GMDS: variants seen among roughly 807,000 people sequenced by gnomAD.
The protein encoded by GMDS is GDP-mannose 4,6 dehydratase.
In GMDS, 20 loss-of-function variants were observed where a neutral mutation model predicts 49.9. The ratio of observed to expected loss-of-function variants is 0.40; its 90% CI spans 0.28 to 0.58. The LOEUF is 0.58. Among genes scored for constraint, GMDS ranks in the 20% least tolerant of loss-of-function variants. GMDS has a pLI of 0.42. For synonymous variants in GMDS, 177 were observed against 178.6 expected, an observed-to-expected ratio of 0.99 and a Z score of 0.07; for missense variants, 362 against 481.4, an observed-to-expected ratio of 0.75 and a Z score of 2.32.
Position 1,999,987 on chromosome 6 carries a change from A to AT in GMDS, c.346-39022dup, listed in dbSNP as rs1561961798. On this transcript the variant is annotated intron_variant, in intron 4 of 10. Coordinates refer to ENST00000380815, the MANE Select transcript of GMDS (RefSeq NM_001500.4). ...TATATATATTATATATATATTTTATATATATATATTATATATATATATTTT... is the reference window on the plus strand; with the variant it reads ...TATATATATTATATATATATTTTATATTATATATATTATATATATATATTTT... Among the ~76,000 whole-genome samples the AT allele has an allele frequency of 8.0e-4, 13 of 16,254 alleles. 1 individual carries two copies. Among genetic ancestry groups the AT allele is most frequent in the Non-Finnish European group, 1.5e-3 (12 of 7,968 alleles). The allele number at this position is 16,254 out of a possible 152,430, so 10.7% of individuals were successfully genotyped here.
rs540125601 is a variant in GMDS at position 2,060,936 on chromosome 6, C to T, written c.345+54835G>A. 4.0e-4 allele frequency among the ~76,000 whole-genome samples: 61 copies of T among 151,984 alleles called. No individual in the cohort carries two copies. In the East Asian group the frequency reaches 0.011, roughly 27 times the overall value. On this transcript the variant is annotated intron_variant, in intron 4 of 10. Transcript: ENST00000380815. The stretch of plus-strand genomic sequence containing the variant: ...CTGGGAGGCTGAGGCAGGAGAATCG[C>T]TTGAACCTGGGACATGGAGGTTGCG...
chr6:1,756,996 C>G (rs1221816655), intron 7 of GMDS, among the ~76,000 whole-genome samples: 1 of 152,172 alleles, frequency 6.6e-6, no homozygotes, highest in Non-Finnish European at 1.5e-5. Context: ...AAAGGACACG[C>G]AGGATGGGAG....
chr6:1,934,646 C>T (rs1022244450), intron 6 of GMDS, among the ~76,000 whole-genome samples: 10 of 151,966 alleles, frequency 6.6e-5, no homozygotes, highest in Non-Finnish European at 1.0e-4. Flanking sequence ...ATTATAAATA[C>T]AATTGTTTTC....
intron 4 of GMDS, among the ~76,000 whole-genome samples, chr6:2,004,175 T>C (rs1269371086): frequency 6.6e-6 from 1 of 152,248 alleles, no homozygotes; most frequent in African/African-American, 2.4e-5. Context: ...CAAATGGCTC[T>C]AGGGCAAGCC....
At chr6:2,103,196 A>C (rs1163565797) in intron 4 of GMDS, among the ~76,000 whole-genome samples, 2 of 152,136 alleles carry the variant, frequency 1.3e-5, no homozygotes, top group African/African-American at 4.8e-5. Flanking sequence ...TTCTAACCTC[A>C]TTTGGGGGAA....
intron 1 of GMDS, among the ~76,000 whole-genome samples, chr6:2,165,672 T>C (rs1440309474): frequency 1.3e-4 from 20 of 152,214 alleles, no homozygotes. Context: ...CTGCATCCTG[T>C]GGAAGACAAC....
chr6:2,069,506 G>C (rs557060853), intron 4 of GMDS, among the ~76,000 whole-genome samples: 2 of 151,746 alleles, frequency 1.3e-5, no homozygotes, highest in African/African-American at 4.8e-5. Context: ...GAAAATTTTC[G>C]CAACCTACTC....
chr6:1,741,872 TA>T (rs1452130812), intron 8 of GMDS, among the ~76,000 whole-genome samples: 1 of 140,298 alleles, frequency 7.1e-6, no homozygotes, highest in Non-Finnish European at 1.6e-5. Flanking sequence ...CATTTAAAAC[TA>T]AAAAAAGTAA....
chr6:1,639,257 A>G (rs772807878), intron 9 of GMDS, among the ~76,000 whole-genome samples: 13 of 152,150 alleles, frequency 8.5e-5, no homozygotes, highest in Non-Finnish European at 1.6e-4. Context: ...CGTGCCTAGC[A>G]TTTTCCCACT....
chr6:1,936,985 A>AAT (rs1318208919), intron 6 of GMDS, among the ~76,000 whole-genome samples: 44 of 148,234 alleles, frequency 3.0e-4, no homozygotes, highest in Non-Finnish European at 5.8e-4. Context: ...AAAAAAAAAA[A>AAT]TTACAATAGA....
In GMDS at chr6:1,671,751, GC is replaced by G. The variant is rs1764437900; in HGVS notation, c.988-47212del. On this transcript the variant is annotated intron_variant, in intron 9 of 10. Coordinates refer to ENST00000380815, the MANE Select transcript of GMDS (RefSeq NM_001500.4). Reference sequence around the variant, plus strand: ...GTGATCTTGGCTCGCTGCAACCTCTGCCCCCCGGGTTCAACTGATTCTCCTG... The same window carrying G: ...GTGATCTTGGCTCGCTGCAACCTCTGCCCCCGGGTTCAACTGATTCTCCTG... Among the ~76,000 whole-genome samples, 3 of 137,806 alleles carry G rather than the reference GC, an allele frequency of 2.2e-5. No homozygotes were observed. The South Asian group carries it at 7.0e-4, about 32-fold the overall frequency. The allele number at this position is 137,806 out of a possible 152,430, so 90.4% of individuals were successfully genotyped here.
intron 8 of GMDS, among the ~76,000 whole-genome samples, chr6:1,731,450 G>T (rs1282728880): frequency 6.6e-6 from 1 of 152,176 alleles, no homozygotes; most frequent in Non-Finnish European, 1.5e-5. Flanking sequence ...ACCAAGAGAA[G>T]GTCTGAAACA....
At chr6:2,065,680 GATGAA>G in intron 4 of GMDS, among the ~76,000 whole-genome samples, 1 of 152,140 alleles carries the variant, frequency 6.6e-6, no homozygotes, top group East Asian at 1.9e-4. Flanking sequence ...AGCAATGGAA[GATGAA>G]ATGAATGAAA....
chr6:1,843,264 G>A (rs1757228111), intron 7 of GMDS, among the ~76,000 whole-genome samples: 1 of 152,132 alleles, frequency 6.6e-6, no homozygotes, highest in Non-Finnish European at 1.5e-5. Context: ...CAAGGGGATG[G>A]CCCTCAGATT....
intron 1 of GMDS, among the ~76,000 whole-genome samples, chr6:2,193,234 TTGTC>T (rs1423148950): frequency 3.9e-5 from 6 of 152,258 alleles, no homozygotes; most frequent in African/African-American, 1.4e-4. Flanking sequence ...CTGTTTATAA[TTGTC>T]TGAGCGTAAA....
intron 1 of GMDS, among the ~76,000 whole-genome samples, chr6:2,136,636 C>T (rs1036055675): frequency 3.3e-5 from 5 of 152,108 alleles, no homozygotes; most frequent in African/African-American, 1.2e-4. Flanking sequence ...AGGAAGATTG[C>T]TTGTAGTCCA....
At chr6:1,696,590 T>C (rs1381367943) in intron 9 of GMDS, among the ~76,000 whole-genome samples, 1 of 151,764 alleles carries the variant, frequency 6.6e-6, no homozygotes, top group Non-Finnish European at 1.5e-5. Context: ...ATCATTTCTA[T>C]TTCTCCTCAA....
chr6:1,650,217 T>G (rs1763609811), intron 9 of GMDS, among the ~76,000 whole-genome samples: 1 of 152,116 alleles, frequency 6.6e-6, no homozygotes, highest in African/African-American at 2.4e-5. Context: ...AGTTTTAACT[T>G]TCAGGGCAGC....
At chr6:1,761,958 A>T (rs550203796) in intron 7 of GMDS, among the ~76,000 whole-genome samples, 2 of 152,358 alleles carry the variant, frequency 1.3e-5, no homozygotes, top group African/African-American at 4.8e-5. Context: ...AGACTTTGCA[A>T]GGAGGAATAC....
Sources: gnomAD v4.1 joint callset for allele counts (sites outside exome capture counted in the v4.1 genomes callset) on GRCh38, gnomAD v4.1.1 for gene constraint, MANE v1.5 for transcripts, NCBI Gene and HGNC (gene_info 2026-07-23, HGNC 2026-07-21) for gene names.